IDH3B: variants seen among roughly 807,000 people sequenced by gnomAD.
The protein encoded by IDH3B is isocitrate dehydrogenase [NAD] subunit beta, mitochondrial.
In IDH3B, 40 loss-of-function variants were observed where a neutral mutation model predicts 47.5. That is an observed-to-expected ratio of 0.84 (90% CI 0.65 to 1.10). The LOEUF is 1.10. Ranked by LOEUF, IDH3B falls within the 50% of genes least tolerant of loss-of-function variation. The pLI is 0.00. For synonymous variants in IDH3B, 185 were observed against 191.0 expected (o/e 0.97, Z 0.26); for missense variants, 450 against 505.2 (o/e 0.89, Z 1.05).
intron 3 of IDH3B, 40 bp downstream of exon 3, chr20:2,663,620 C>A: frequency 3.1e-6 from 5 of 1,614,154 alleles, no homozygotes; most frequent in Non-Finnish European, 4.2e-6. Flanking sequence ...CTTTCCAACA[C>A]ACTACTGTCC....
intron 4 of IDH3B, among the ~76,000 whole-genome samples, chr20:2,661,646 AT>A (rs2086950016): frequency 6.6e-6 from 1 of 152,216 alleles, no homozygotes; most frequent in Admixed American, 6.5e-5. Context: ...ACTGATGAAT[AT>A]CAATTATATG....
chr20:2,658,436 C>G lies in IDH3B; in HGVS notation c.*315G>C, dbSNP rs748014349. ...ATTGAACACCTTACATGGGTATGGA[C>G]AGGGCCTATGGGTGGGGCAAGGCAG... On this transcript the variant is annotated 3_prime_UTR_variant, in exon 12 of 12. Coordinates refer to ENST00000380843, the MANE Select transcript of IDH3B (RefSeq NM_006899.5). 2 of 1,613,906 alleles carry G rather than the reference C, an allele frequency of 1.2e-6. No homozygotes were observed. Among genetic ancestry groups the G allele is most frequent in the Non-Finnish European group, 1.7e-6 (2 of 1,179,974 alleles).
chr20:2,661,432 A>G (rs1038831793), intron 4 of IDH3B, among the ~76,000 whole-genome samples: 24 of 152,216 alleles, frequency 1.6e-4, no homozygotes, highest in African/African-American at 5.1e-4. Flanking sequence ...TCCTGACCTC[A>G]AGTGATCCAC....
At position 2,664,033 on chromosome 20, in the gene IDH3B, G is replaced by A. The variant is rs370476360; in HGVS notation, c.37-28C>T. On this transcript the variant is annotated intron_variant, in intron 1 of 11. Coordinates refer to ENST00000380843, the MANE Select transcript of IDH3B (RefSeq NM_006899.5). ...GCAACAGGGACACACAAGCCTGTAA[G>A]GTCAGCTTTGAGACATCCAGACCCC... 20 of 1,613,488 alleles carry A rather than the reference G, an allele frequency of 1.2e-5. No homozygotes were observed. In the Admixed American group the frequency reaches 1.5e-4, roughly 12 times the overall value.
rs1021038495 is a variant in IDH3B at position 2,658,690 on chromosome 20, T to C, written c.*61A>G. 7.4e-6 allele frequency: 12 copies of C among 1,614,040 alleles called. No homozygotes were observed. Among genetic ancestry groups the C allele is most frequent in the African/African-American group, 4.0e-5 (3 of 74,918 alleles). The stretch of plus-strand genomic sequence containing the variant: ...TAGAGGCACAAGGTCTCTTCCCTGG[T>C]ACACTGCACTGAAGGGTATGGGGAG... On this transcript the variant is annotated 3_prime_UTR_variant, in exon 12 of 12. Transcript: ENST00000380843.
intron 2 of IDH3B, 47 bp downstream of exon 2, chr20:2,663,878 G>A (rs765179726): frequency 6.2e-7 from 1 of 1,602,656 alleles, no homozygotes; most frequent in Non-Finnish European, 8.5e-7. Context: ...GGAGCAGCGA[G>A]GAAGGGACAG....
chr20:2,663,586 A>C lies in IDH3B; in HGVS notation c.217-20T>G. ...GGCAGCCTTCAGAGACAGGTTCCCA[A>C]AACATCACAGTCAAGGCCAAGTCCT... On this transcript the variant is annotated intron_variant, in intron 3 of 11. Coordinates refer to ENST00000380843, the MANE Select transcript of IDH3B (RefSeq NM_006899.5). The C allele has an allele frequency of 1.2e-5, 19 of 1,614,152 alleles. No homozygotes were observed. The highest frequency in any genetic ancestry group is 1.6e-5 in the Non-Finnish European group (19 of 1,180,024).
intron 4 of IDH3B, among the ~76,000 whole-genome samples, chr20:2,661,177 C>CTGTG (rs71329398): frequency 0.031 from 4,656 of 150,114 alleles, 85 homozygotes; most frequent in Non-Finnish European, 0.037. Context: ...ATTGCATTTT[C>CTGTG]TGTGTGTGTG....
In IDH3B at chr20:2,658,476, G is replaced by T; in HGVS notation, c.*275C>A. ...GGGCAAGGCAGCAATGACAGCCTCA[G>T]TGAAGTCATGGCAAGTAGCATAGCC... On this transcript the variant is annotated 3_prime_UTR_variant, in exon 12 of 12. Coordinates refer to ENST00000380843, the MANE Select transcript of IDH3B (RefSeq NM_006899.5). 1 of 1,614,050 alleles carries T rather than the reference G, an allele frequency of 6.2e-7. No homozygotes were observed. The highest frequency in any genetic ancestry group is 8.5e-7 in the Non-Finnish European group (1 of 1,180,002).
chr20:2,663,919 G>T lies in IDH3B; in HGVS notation c.117+6C>A, dbSNP rs191680997. 4.8e-3 allele frequency: 7,733 copies of T among 1,613,298 alleles called. 28 individuals carry two copies. The highest frequency in any genetic ancestry group is 5.6e-3 in the Non-Finnish European group (6,657 of 1,179,322). On this transcript the variant is annotated splice_donor_region_variant and intron_variant, in intron 2 of 11. Transcript: ENST00000380843. ...TAAGAGAGACCCCAGCCAGATTCGT[G>T]CATACCTGGCTCCGCGATGCAGCGT...
Position 2,664,166 on chromosome 20 carries a change from C to A in IDH3B, c.23G>T (p.Arg8Leu), listed in dbSNP as rs748985715. Reference sequence around the variant, plus strand: ...CCGGGGCCTCACTCGGGTCAGCCAGCGGACTCCGCTCAATGCCGCCATGTT... The same window carrying A: ...CCGGGGCCTCACTCGGGTCAGCCAGAGGACTCCGCTCAATGCCGCCATGTT... MAALSGV[R>L]WLTRALVSAG... Residue 8 changes from arginine (R) to leucine (L), a missense_variant, in exon 1 of 12, where the codon CGC (arginine) becomes CTC (leucine). By Grantham distance (102) the Arg-to-Leu change is moderately radical. Coordinates refer to ENST00000380843, the MANE Select transcript of IDH3B (RefSeq NM_006899.5). 4 of 1,613,472 alleles carry A rather than the reference C, an allele frequency of 2.5e-6. No individual in the cohort carries two copies. The Admixed American group carries it at 6.7e-5, about 27-fold the overall frequency.
intron 4 of IDH3B, among the ~76,000 whole-genome samples, chr20:2,662,061 G>A (rs985734887): frequency 6.6e-6 from 1 of 152,136 alleles, no homozygotes; most frequent in Non-Finnish European, 1.5e-5. Flanking sequence ...AGGCAAGAAA[G>A]GTTTCTCCCC....
intron 9 of IDH3B, 107 bp downstream of exon 9, chr20:2,659,923 G>T (rs971438444): frequency 6.6e-7 from 1 of 1,505,494 alleles, no homozygotes; most frequent in Non-Finnish European, 9.2e-7. Context: ...GGTGGGCAGC[G>T]TGGGGGAAGA....
intron 11 of IDH3B, chr20:2,659,287 A>T: frequency 6.8e-7 from 1 of 1,470,694 alleles, no homozygotes; most frequent in East Asian, 2.4e-5. Flanking sequence ...TGGATGGAGC[A>T]GGAAAGAGGG....
At chr20:2,662,371 T>C (rs185327680) in intron 4 of IDH3B, among the ~76,000 whole-genome samples, 2 of 152,242 alleles carry the variant, frequency 1.3e-5, no homozygotes, top group Admixed American at 6.5e-5. Flanking sequence ...GGCAGAAAAT[T>C]AAGGGCCAAC....
intron 4 of IDH3B, 141 bp from the exon 5 acceptor site, chr20:2,661,110 C>T (rs2086939137): frequency 4.0e-6 from 3 of 750,718 alleles, no homozygotes; most frequent in Non-Finnish European, 7.1e-6. Context: ...TTTAAATTGT[C>T]TCTGGGGGCA....
Position 2,660,162 on chromosome 20 carries a change from A to G in IDH3B, c.783T>C (p.Pro261=). ...DNCCMQLVQN[P]YQFDVLVMPN... ...GCATCACAAGCACATCAAACTGGTA[A>G]GGATTCTGCACCAGCTAGAGGGTGA... The change falls in exon 9 of 12, where the codon CCT becomes CCC. Residue 261 remains proline (P), a synonymous_variant. Coordinates refer to ENST00000380843, the MANE Select transcript of IDH3B (RefSeq NM_006899.5). The surrounding 1 kb of genome is among the most constrained non-coding windows in gnomAD (Gnocchi z 5.6). 6.2e-7 allele frequency: 1 copy of G among 1,614,176 alleles called. No individual in the cohort carries two copies. Among genetic ancestry groups the G allele is most frequent in the Non-Finnish European group, 8.5e-7 (1 of 1,180,028 alleles).
chr20:2,660,733 C>T lies in IDH3B; in HGVS notation c.495G>A (p.Glu165=), dbSNP rs1600169787. ...HNNLDLVIIR[E]QTEGEYSSLE... The stretch of plus-strand genomic sequence containing the variant: ...GAGAGCTGTACTCCCCTTCTGTCTG[C>T]TCTCGAATGATCACCAGGTCTAGAT... Residue 165 remains glutamate, a synonymous_variant, in exon 6 of 12, where the codon GAG becomes GAA. Transcript: ENST00000380843. This position sits in a 1 kb window ranked among gnomAD's most constrained non-coding sequence, Gnocchi z 5.6. The T allele has an allele frequency of 5.0e-6, 8 of 1,614,084 alleles. No individual in the cohort carries two copies. The highest frequency in any genetic ancestry group is 1.3e-5 in the African/African-American group (1 of 74,926).
At chr20:2,659,171 G>A in intron 11 of IDH3B, 2 of 1,434,614 alleles carry the variant, frequency 1.4e-6, no homozygotes, top group African/African-American at 1.4e-5. Context: ...AAAAGGAGAT[G>A]GGGCGTGAAG....
Sources: gnomAD v4.1 joint callset for allele counts (sites outside exome capture counted in the v4.1 genomes callset) on GRCh38, gnomAD v4.1.1 for gene constraint, Gnocchi (gnomAD v3.1) non-coding constraint, MANE v1.5 for transcripts, NCBI Gene and HGNC (gene_info 2026-07-23, HGNC 2026-07-21) for gene names.